The following NRCAM variants were observed in gnomAD, a reference collection of about 807,000 sequenced individuals.
NRCAM encodes the protein NgCAM-related cell adhesion molecule.
NRCAM carries 83 observed loss-of-function variants against 156.5 expected under a neutral mutation model. The ratio of observed to expected loss-of-function variants is 0.53; its 90% CI spans 0.44 to 0.64. The LOEUF is 0.64. NRCAM is among the 30% of genes least tolerant of loss of function. NRCAM has a pLI of 0.00. For synonymous variants in NRCAM, 538 were observed against 563.9 expected (o/e 0.95, Z 0.65); for missense variants, 1,417 against 1,597.3 (o/e 0.89, Z 1.92).
rs149639654 is a variant in NRCAM at position 108,176,584 on chromosome 7, G to T, written c.2997C>A (p.Gly999=). Residue 999 remains glycine (G), a synonymous_variant, in exon 27 of 33, where the codon GGC becomes GGA. Coordinates refer to ENST00000379028, the MANE Select transcript of NRCAM (RefSeq NM_001037132.4). ...CAGGAATTTTCAAATCTACCAGAGG[G>T]CCTAATTCATGTGTGCTGTTAACTG... is the stretch of plus-strand genomic sequence containing the variant. ...YQPINSTHEL[G]PLVDLKIPAN... is the part of the protein sequence containing the mutation. 5 of 1,613,234 alleles carry T rather than the reference G, an allele frequency of 3.1e-6. No individual in the cohort carries two copies. The South Asian group carries it at 4.4e-5, about 14-fold the overall frequency.
At position 108,149,745 on chromosome 7, in the gene NRCAM, A is replaced by G. The variant is rs2040199688; in HGVS notation, c.*165T>C. ...ACTTTGCATTCCAGTTCATATTAAC[A>G]TATCATTTGACTGAGTTATGTTTTT... On this transcript the variant is annotated 3_prime_UTR_variant, in exon 33 of 33. Transcript: ENST00000379028. 1.1e-5 allele frequency: 7 copies of G among 639,874 alleles called. No homozygotes were observed. The highest frequency in any genetic ancestry group is 1.6e-5 in the Non-Finnish European group (6 of 365,874). 39.6% of individuals were successfully genotyped at this position (639,874 alleles called of 1,614,324 possible).
chr7:108,409,194 CA>C (rs1441443965), intron 1 of NRCAM, among the ~76,000 whole-genome samples: 12 of 152,094 alleles, frequency 7.9e-5, no homozygotes, highest in Non-Finnish European at 1.5e-4. Flanking sequence ...ATGTAACCTG[CA>C]AAAAGGTAGA....
At chr7:108,199,884 C>T (rs761078895) in intron 13 of NRCAM, among the ~76,000 whole-genome samples, 15 of 152,132 alleles carry the variant, frequency 9.9e-5, no homozygotes, top group Non-Finnish European at 2.2e-4. Context: ...CTACCACATA[C>T]TGTATCACAT....
intron 1 of NRCAM, among the ~76,000 whole-genome samples, chr7:108,444,921 A>G (rs1262158654): frequency 6.6e-6 from 1 of 152,178 alleles, no homozygotes; most frequent in Non-Finnish European, 1.5e-5. Context: ...TTTAATCTCC[A>G]TCTCTTCACT....
intron 1 of NRCAM, among the ~76,000 whole-genome samples, chr7:108,408,954 T>A (rs1243301712): frequency 6.6e-6 from 1 of 152,006 alleles, no homozygotes; most frequent in African/African-American, 2.4e-5. Context: ...CCACAAGGCA[T>A]TGCAAAATGA....
At chr7:108,310,238 T>C (rs1592774682) in intron 3 of NRCAM, among the ~76,000 whole-genome samples, 2 of 152,196 alleles carry the variant, frequency 1.3e-5, no homozygotes, top group East Asian at 3.9e-4. Flanking sequence ...GGACCAAACT[T>C]ACACGAATGT....
intron 3 of NRCAM, among the ~76,000 whole-genome samples, chr7:108,293,458 A>C (rs1322359716): frequency 1.3e-5 from 2 of 152,192 alleles, no homozygotes; most frequent in South Asian, 4.1e-4. Flanking sequence ...AATTGCAAAA[A>C]AACATTTTTA....
At chr7:108,179,371 G>A (rs1004961033) in intron 25 of NRCAM, among the ~76,000 whole-genome samples, 8 of 152,190 alleles carry the variant, frequency 5.3e-5, no homozygotes, top group Non-Finnish European at 4.4e-5. Context: ...GCAGCTGCCT[G>A]CATCATGAAT....
intron 1 of NRCAM, among the ~76,000 whole-genome samples, chr7:108,402,718 C>G (rs1314345885): frequency 6.6e-6 from 1 of 152,184 alleles, no homozygotes; most frequent in African/African-American, 2.4e-5. Context: ...CCAACCACAG[C>G]CCACTGTTCA....
At chr7:108,172,309 C>G (rs994246890) in intron 28 of NRCAM, among the ~76,000 whole-genome samples, 1 of 152,022 alleles carries the variant, frequency 6.6e-6, no homozygotes, top group Non-Finnish European at 1.5e-5. Flanking sequence ...AATGGAGTCT[C>G]GTTCTGTCGC....
intron 1 of NRCAM, among the ~76,000 whole-genome samples, chr7:108,440,091 T>C (rs918345306): frequency 1.3e-5 from 2 of 152,118 alleles, no homozygotes. Context: ...TTATTAATAA[T>C]AGTCTCAAAT....
intron 2 of NRCAM, among the ~76,000 whole-genome samples, chr7:108,395,139 CATT>C (rs1176782567): frequency 6.6e-6 from 1 of 152,170 alleles, no homozygotes; most frequent in Admixed American, 6.5e-5. Context: ...TGTGAAGAGT[CATT>C]AATCCATATT....
At chr7:108,263,532 G>T (rs928673625) in intron 3 of NRCAM, among the ~76,000 whole-genome samples, 1 of 152,252 alleles carries the variant, frequency 6.6e-6, no homozygotes, top group African/African-American at 2.4e-5. Context: ...CTTCCTGCCA[G>T]CGCCATCTGG....
intron 1 of NRCAM, among the ~76,000 whole-genome samples, chr7:108,438,377 ATAC>A (rs1302941389): frequency 6.6e-6 from 1 of 152,206 alleles, no homozygotes; most frequent in Non-Finnish European, 1.5e-5. Flanking sequence ...ATCAATTAAT[ATAC>A]TACATTAATA....
At position 108,220,361 on chromosome 7, in the gene NRCAM, T is replaced by C. The variant is rs1325150109; in HGVS notation, c.890+3364A>G. Among the ~76,000 whole-genome samples, 9 of 152,160 alleles carry C rather than the reference T, an allele frequency of 5.9e-5. No homozygotes were observed. In the East Asian group the frequency reaches 1.7e-3, roughly 29 times the overall value. Reference sequence around the variant, plus strand: ...AGAAAAAAACATTCTAAAATTCATATGGAACCAAAGAAGACCCCACACAGC... The same window carrying C: ...AGAAAAAAACATTCTAAAATTCATACGGAACCAAAGAAGACCCCACACAGC... On this transcript the variant is annotated intron_variant, in intron 11 of 32. Transcript: ENST00000379028.
chr7:108,191,139 G>T, intron 19 of NRCAM, 115 bp downstream of exon 19: 1 of 777,568 alleles, frequency 1.3e-6, no homozygotes, highest in Non-Finnish European at 2.0e-6. Flanking sequence ...AACTGACAGA[G>T]ACCTTTTCCT....
Position 108,447,934 on chromosome 7 carries a change from T to G in NRCAM, c.-332+8309A>C, listed in dbSNP as rs1017268186. 3.9e-5 allele frequency among the ~76,000 whole-genome samples: 6 copies of G among 152,342 alleles called. No individual in the cohort carries two copies. The South Asian group carries it at 1.2e-3, about 32-fold the overall frequency. ...AAAAACTTTTATTCTTTTCCCTTTC[T>G]CTTTCTTTCAAATTTTAAGCTATTA... is the stretch of plus-strand genomic sequence containing the variant. On this transcript the variant is annotated intron_variant, in intron 1 of 32. Coordinates refer to ENST00000379028, the MANE Select transcript of NRCAM (RefSeq NM_001037132.4).
intron 2 of NRCAM, among the ~76,000 whole-genome samples, chr7:108,316,290 G>A (rs896349989): frequency 6.6e-6 from 1 of 152,048 alleles, no homozygotes; most frequent in Non-Finnish European, 1.5e-5. Context: ...TTTCTGCTAC[G>A]GGATGATGCA....
At chr7:108,227,523 C>G (rs1360607378) in intron 8 of NRCAM, among the ~76,000 whole-genome samples, 2 of 152,212 alleles carry the variant, frequency 1.3e-5, no homozygotes, top group African/African-American at 4.8e-5. Flanking sequence ...CTGTTACCCA[C>G]AGTCACCCTA....
Sources: allele counts gnomAD v4.1 joint callset (sites outside exome capture counted in the v4.1 genomes callset), GRCh38; gene constraint gnomAD v4.1.1; transcripts MANE v1.5; gene names NCBI Gene and HGNC (gene_info 2026-07-23, HGNC 2026-07-21).